Variants in SUPT5H observed in about 807,000 individuals in gnomAD.
The protein encoded by SUPT5H is SPT5 homolog, DSIF elongation factor subunit, also known as transcription elongation factor SPT5.
SUPT5H carries 24 observed loss-of-function variants against 142.5 expected under a neutral mutation model. That is an observed-to-expected ratio of 0.17 (90% CI 0.12 to 0.24). The LOEUF (loss-of-function observed/expected upper bound fraction) is 0.24, where lower values mean the gene tolerates loss of function less well. SUPT5H is among the 10% of genes least tolerant of loss of function. The pLI is 1.00. For missense variants in SUPT5H, 893 were observed against 1,471.8 expected, an observed-to-expected ratio of 0.61 and a Z score of 6.43; for synonymous variants, 546 against 553.0, an observed-to-expected ratio of 0.99 and a Z score of 0.18.
Position 39,468,764 on chromosome 19 carries a change from G to A in SUPT5H, c.1046G>A (p.Gly349Glu), listed in dbSNP as rs1480481327. 1 of 1,614,064 alleles carries A rather than the reference G, an allele frequency of 6.2e-7. No individual in the cohort carries two copies. Among genetic ancestry groups the A allele is most frequent in the Middle Eastern group, 1.6e-4 (1 of 6,062 alleles). The change falls in exon 14 of 30, where the codon GGG becomes GAG. Residue 349 changes from glycine to glutamate, a missense_variant. Physicochemically the swap from Gly to Glu is moderately conservative, Grantham distance 98. Around this residue, in one of 6 missense-constraint regions of SUPT5H, gnomAD observed 428 missense variants for 763.5 expected, o/e 0.56. Transcript: ENST00000432763. Reference sequence around the variant, plus strand: ...CCCCCATCAAATTCCAGGTCCCTGGGGGGTGATGTTGCCTCTGATGGTGAC... The same window carrying A: ...CCCCCATCAAATTCCAGGTCCCTGGAGGGTGATGTTGCCTCTGATGGTGAC... ...LFDAEKIRSLGGDVASDGDFL... is the reference protein window; with the variant it reads ...LFDAEKIRSLEGDVASDGDFL...
intron 28 of SUPT5H, 112 bp from the exon 29 acceptor site, chr19:39,475,969 C>T (rs2079399281): frequency 3.0e-6 from 3 of 1,008,968 alleles, no homozygotes; most frequent in Admixed American, 2.5e-5. Context: ...TTTCCTGCCC[C>T]CATTTCACCT....
chr19:39,461,306 G>T (rs920160280), intron 10 of SUPT5H, among the ~76,000 whole-genome samples: 1 of 151,558 alleles, frequency 6.6e-6, no homozygotes, highest in Non-Finnish European at 1.5e-5. Flanking sequence ...GGTAGGGGGT[G>T]GAATGTCTTC....
At chr19:39,446,287 A>G (rs1260067235) in intron 2 of SUPT5H, among the ~76,000 whole-genome samples, 1 of 152,118 alleles carries the variant, frequency 6.6e-6, no homozygotes, top group Admixed American at 6.6e-5. Context: ...CCTACTATGT[A>G]CCAGGCGCAA....
At position 39,466,924 on chromosome 19, in the gene SUPT5H, TAA is replaced by T. The variant is rs1001973154; in HGVS notation, c.1037+181_1037+182del. 5 of 629,336 alleles carry T rather than the reference TAA, an allele frequency of 7.9e-6. No individual in the cohort carries two copies. The East Asian group carries it at 1.4e-4, about 17-fold the overall frequency. 39.0% of individuals were successfully genotyped at this position (629,336 alleles called of 1,614,324 possible). ...CCCTGTGCCTCAGTTTCTTCTGCTA[TAA>T]AGATTGATGAGGCTGGGCGCAGCGG... is the stretch of plus-strand genomic sequence containing the variant. On this transcript the variant is annotated intron_variant, in intron 13 of 29. Coordinates refer to ENST00000432763, the MANE Select transcript of SUPT5H (RefSeq NM_001111020.3). This position sits in a 1 kb window ranked among gnomAD's most constrained non-coding sequence, Gnocchi z 4.3.
intron 2 of SUPT5H, among the ~76,000 whole-genome samples, chr19:39,451,018 G>A (rs1242732384): frequency 1.3e-5 from 2 of 151,886 alleles, no homozygotes; most frequent in African/African-American, 2.4e-5. Context: ...TATTTAAGAA[G>A]GTGAGTAGAT....
chr19:39,456,632 C>A (rs2079094556), intron 3 of SUPT5H, among the ~76,000 whole-genome samples: 1 of 152,008 alleles, frequency 6.6e-6, no homozygotes, highest in South Asian at 2.1e-4. Flanking sequence ...GTTGGCCAGG[C>A]TGATCATGAG....
intron 10 of SUPT5H, among the ~76,000 whole-genome samples, chr19:39,463,635 C>T (rs931733682): frequency 2.6e-4 from 40 of 152,074 alleles, no homozygotes; most frequent in Non-Finnish European, 1.2e-4. Flanking sequence ...AAAGTGAAGA[C>T]GAAATGTTCT....
chr19:39,465,354 G>C (rs1377176129), intron 11 of SUPT5H, among the ~76,000 whole-genome samples: 8 of 152,226 alleles, frequency 5.3e-5, no homozygotes. Flanking sequence ...GGCTACAGCA[G>C]GGATGGCGTG....
chr19:39,463,184 T>A (rs1221137748), intron 10 of SUPT5H, among the ~76,000 whole-genome samples: 1 of 151,376 alleles, frequency 6.6e-6, no homozygotes, highest in Non-Finnish European at 1.5e-5. Context: ...GTATTTTTAG[T>A]AGAGGCAAGG....
intron 10 of SUPT5H, among the ~76,000 whole-genome samples, chr19:39,460,553 C>A (rs549097558): frequency 6.6e-6 from 1 of 152,176 alleles, no homozygotes; most frequent in Admixed American, 6.5e-5. Context: ...GCCTGGCCAA[C>A]GTGGTGAAAC....
At chr19:39,455,925 CTTTTTTTTTTTT>C (rs34762912) in intron 3 of SUPT5H, among the ~76,000 whole-genome samples, 11 of 91,152 alleles carry the variant, frequency 1.2e-4, no homozygotes, top group Non-Finnish European at 4.1e-5. Context: ...CCCGCCTCTT[CTTTTTTTTTTTT>C]TTTTTTTTTT....
chr19:39,470,581 A>C lies in SUPT5H; in HGVS notation c.1677+58A>C. On this transcript the variant is annotated intron_variant, in intron 18 of 29. Transcript: ENST00000432763. This position sits in a 1 kb window ranked among gnomAD's most constrained non-coding sequence, Gnocchi z 5.8. ...CTTTTAGGAGGCTTCCTGTCCCTCA[A>C]CCCCTCATCCTGGGAGGTGGCAGAG... is the stretch of plus-strand genomic sequence containing the variant. The C allele has an allele frequency of 1.4e-6, 2 of 1,455,986 alleles. No homozygotes were observed. Among genetic ancestry groups the C allele is most frequent in the Non-Finnish European group, 1.8e-6 (2 of 1,099,826 alleles). 90.2% of individuals were successfully genotyped at this position (1,455,986 alleles called of 1,614,324 possible). A position where few individuals can be genotyped will look rare whatever the true frequency, so the allele number is the denominator to read the frequency against.
chr19:39,449,706 A>C, intron 2 of SUPT5H, among the ~76,000 whole-genome samples: 1 of 150,916 alleles, frequency 6.6e-6, no homozygotes, highest in South Asian at 2.1e-4. Context: ...CAGTGGCACG[A>C]TCTCAGCTCA....
rs367919085 is a variant in SUPT5H, at chr19:39,472,359, G to A, written c.1951-50G>A. 36 of 1,579,082 alleles carry A rather than the reference G, an allele frequency of 2.3e-5. No individual in the cohort carries two copies. Among genetic ancestry groups the A allele is most frequent in the Admixed American group, 1.7e-5 (1 of 59,768 alleles). On this transcript the variant is annotated intron_variant, in intron 20 of 29. Transcript: ENST00000432763. The surrounding 1 kb of genome is among the most constrained non-coding windows in gnomAD (Gnocchi z 4.2). The stretch of plus-strand genomic sequence containing the variant: ...GTGGGATGATGAGTTCCTGTGGTTT[G>A]TGGTTCCCCCATCCCCTGCCTGCCA...
chr19:39,448,172 T>C (rs566734368), intron 2 of SUPT5H, among the ~76,000 whole-genome samples: 2 of 152,308 alleles, frequency 1.3e-5, no homozygotes, highest in Admixed American at 1.3e-4. Flanking sequence ...AGGAAAAGAT[T>C]TCATGTGGCT....
At chr19:39,454,354 TTG>T (rs1402529729) in intron 3 of SUPT5H, among the ~76,000 whole-genome samples, 655 of 28,780 alleles carry the variant, frequency 0.023, 10 homozygotes, top group African/African-American at 0.13. Flanking sequence ...GTTGTTGTCG[TTG>T]TTTTTTTTTT....
rs1416195544 is a variant in SUPT5H at position 39,474,540 on chromosome 19, G to T, written c.2846G>T (p.Gly949Val). The T allele has an allele frequency of 3.1e-6, 5 of 1,614,072 alleles. No homozygotes were observed. The highest frequency in any genetic ancestry group is 1.3e-5 in the African/African-American group (1 of 74,922). The change falls in exon 28 of 30, where the codon GGC (glycine) becomes GTC (valine). Residue 949 changes from glycine (G) to valine (V), a missense_variant. Around this residue, in one of 6 missense-constraint regions of SUPT5H, gnomAD observed 336 missense variants for 546.5 expected, o/e 0.61. Coordinates refer to ENST00000432763, the MANE Select transcript of SUPT5H (RefSeq NM_001111020.3). This position sits in a 1 kb window ranked among gnomAD's most constrained non-coding sequence, Gnocchi z 6.5. ...YQASPSPSPV[G>V]YSPMTPGAPS... ...GCTAGCCCCAGCCCGAGCCCCGTTGGCTACAGTCCTATGACACCTGGAGCT... is the reference window on the plus strand; with the variant it reads ...GCTAGCCCCAGCCCGAGCCCCGTTGTCTACAGTCCTATGACACCTGGAGCT...
At position 39,472,282 on chromosome 19, in the gene SUPT5H, G is replaced by T; in HGVS notation, c.1951-127G>T. 1 of 837,818 alleles carries T rather than the reference G, an allele frequency of 1.2e-6. No individual in the cohort carries two copies. The highest frequency in any genetic ancestry group is 2.0e-6 in the Non-Finnish European group (1 of 505,116). The allele number at this position is 837,818 out of a possible 1,614,324, so 51.9% of individuals were successfully genotyped here. On this transcript the variant is annotated intron_variant, in intron 20 of 29. Coordinates refer to ENST00000432763, the MANE Select transcript of SUPT5H (RefSeq NM_001111020.3). The surrounding 1 kb of genome is among the most constrained non-coding windows in gnomAD (Gnocchi z 4.2). ...GTGTGCAGGACCAGCTGTCACAGAG[G>T]AATTCAGGCCTGGGGTGTGGGTGGC... is the stretch of plus-strand genomic sequence containing the variant.
Position 39,472,854 on chromosome 19 carries a change from A to T in SUPT5H, c.2080A>T (p.Met694Leu), listed in dbSNP as rs761738949. The part of the protein sequence containing the change: ...FGSPGGGSGG[M>L]SRGRGRRDNE... ...TAGCCCAGGTGGCGGCAGTGGTGGC[A>T]TGAGCAGGGGCCGGGGCCGGAGGGA... Residue 694 changes from methionine (M) to leucine (L), a missense_variant, in exon 22 of 30, where the codon ATG (methionine) becomes TTG (leucine). Coordinates refer to ENST00000432763, the MANE Select transcript of SUPT5H (RefSeq NM_001111020.3). The surrounding 1 kb of genome is among the most constrained non-coding windows in gnomAD (Gnocchi z 4.2). 6.2e-7 allele frequency: 1 copy of T among 1,613,652 alleles called. No homozygotes were observed. The highest frequency in any genetic ancestry group is 8.5e-7 in the Non-Finnish European group (1 of 1,179,840).
Sources: allele counts gnomAD v4.1 joint callset (sites outside exome capture counted in the v4.1 genomes callset), GRCh38; gene constraint gnomAD v4.1.1; regional missense constraint gnomAD v4.1.1; non-coding constraint Gnocchi (gnomAD v3.1); transcripts MANE v1.5; gene names NCBI Gene and HGNC (gene_info 2026-07-23, HGNC 2026-07-21).